Variants in FHIT observed in about 807,000 individuals in gnomAD.
The protein encoded by FHIT is bis(5'-adenosyl)-triphosphatase.
FHIT carries 19 observed loss-of-function variants against 17.9 expected under a neutral mutation model. The observed-to-expected ratio is 1.06, with a 90% CI of 0.74 to 1.56. The LOEUF (loss-of-function observed/expected upper bound fraction) is 1.56, where lower values mean the gene tolerates loss of function less well. Ranked by LOEUF, FHIT falls within the 40% of genes most tolerant of loss-of-function variation. FHIT has a pLI of 0.00. For synonymous variants in FHIT, 81 were observed against 69.7 expected (o/e 1.16, Z -0.81); for missense variants, 248 against 189.2 (o/e 1.31, Z -1.82).
At chr3:60,576,313 G>A (rs553023431) in intron 4 of FHIT, among the ~76,000 whole-genome samples, 1 of 152,104 alleles carries the variant, frequency 6.6e-6, no homozygotes, top group Non-Finnish European at 1.5e-5. Flanking sequence ...GAAAATATGA[G>A]AGAAACGTCA....
chr3:60,213,260 C>T (rs78431626), intron 5 of FHIT, among the ~76,000 whole-genome samples: 1,788 of 152,276 alleles, frequency 0.012, 37 homozygotes, highest in African/African-American at 0.041. Context: ...CTTTCCGTCT[C>T]CCAATTCTGT....
At chr3:60,523,320 G>A (rs2035445530) in intron 5 of FHIT, among the ~76,000 whole-genome samples, 1 of 151,912 alleles carries the variant, frequency 6.6e-6, no homozygotes, top group Admixed American at 6.6e-5. Flanking sequence ...GAATTTTGTA[G>A]TTTGCTTTTT....
intron 3 of FHIT, among the ~76,000 whole-genome samples, chr3:60,984,651 C>G (rs967541996): frequency 6.6e-6 from 1 of 152,116 alleles, no homozygotes; most frequent in East Asian, 1.9e-4. Context: ...AAGTTCCAAA[C>G]TAAAGGATAG....
intron 5 of FHIT, among the ~76,000 whole-genome samples, chr3:60,264,880 G>T (rs1002565154): frequency 2.6e-5 from 4 of 151,800 alleles, no homozygotes; most frequent in Non-Finnish European, 4.4e-5. Context: ...TGCAAGGAGC[G>T]TTTTCTAATT....
intron 3 of FHIT, among the ~76,000 whole-genome samples, chr3:60,942,717 T>A (rs1708472052): frequency 6.6e-6 from 1 of 152,172 alleles, no homozygotes; most frequent in Admixed American, 6.5e-5. Context: ...AATATTTTTG[T>A]ATTATTCCTT....
At chr3:61,240,288 A>G (rs2040342910) in intron 1 of FHIT, among the ~76,000 whole-genome samples, 1 of 152,198 alleles carries the variant, frequency 6.6e-6, no homozygotes, top group South Asian at 2.1e-4. Context: ...TGAAGGTATC[A>G]GCAGCTCTCG....
chr3:60,263,780 G>T (rs1478331299), intron 5 of FHIT, among the ~76,000 whole-genome samples: 1 of 151,820 alleles, frequency 6.6e-6, no homozygotes, highest in African/African-American at 2.4e-5. Flanking sequence ...GTATATAAAT[G>T]ATATCAAAAA....
chr3:60,665,799 T>C (rs1577046308), intron 4 of FHIT, among the ~76,000 whole-genome samples: 1 of 152,224 alleles, frequency 6.6e-6, no homozygotes, highest in Non-Finnish European at 1.5e-5. Context: ...AGCATTTCAC[T>C]ATACCATTTC....
intron 5 of FHIT, among the ~76,000 whole-genome samples, chr3:60,225,241 G>A (rs958855839): frequency 6.6e-6 from 1 of 152,150 alleles, no homozygotes; most frequent in South Asian, 2.1e-4. Context: ...CTAGATACCT[G>A]ATTAGATACT....
intron 5 of FHIT, among the ~76,000 whole-genome samples, chr3:60,181,882 C>A (rs1168933522): frequency 6.6e-6 from 1 of 152,140 alleles, no homozygotes; most frequent in African/African-American, 2.4e-5. Context: ...GGTACACCCT[C>A]CTATATATAT....
intron 5 of FHIT, among the ~76,000 whole-genome samples, chr3:60,307,142 G>A (rs1708712236): frequency 6.6e-6 from 1 of 152,122 alleles, no homozygotes; most frequent in Non-Finnish European, 1.5e-5. Context: ...CAGACACGCT[G>A]ACTGCAATAA....
intron 5 of FHIT, among the ~76,000 whole-genome samples, chr3:60,312,176 C>A (rs1708979373): frequency 6.6e-6 from 1 of 152,172 alleles, no homozygotes; most frequent in South Asian, 2.1e-4. Context: ...ATGGGGGTAG[C>A]CCAGGCTGGA....
intron 8 of FHIT, among the ~76,000 whole-genome samples, chr3:59,784,221 C>T (rs1330635092): frequency 6.6e-6 from 1 of 152,310 alleles, no homozygotes; most frequent in East Asian, 1.9e-4. Context: ...TTCTCTCCCT[C>T]CCTGCAGCCA....
intron 8 of FHIT, among the ~76,000 whole-genome samples, chr3:59,860,006 G>C (rs1206018836): frequency 2.0e-5 from 3 of 151,938 alleles, no homozygotes; most frequent in African/African-American, 7.3e-5. Flanking sequence ...TATCTGAAAG[G>C]GAATATCTAT....
chr3:60,558,771 A>G (rs1265754763), intron 4 of FHIT, among the ~76,000 whole-genome samples: 3 of 152,168 alleles, frequency 2.0e-5, no homozygotes, highest in Non-Finnish European at 4.4e-5. Flanking sequence ...GCAGGGCATT[A>G]ACAGAATCTT....
At chr3:61,191,759 C>T (rs2038722991) in intron 2 of FHIT, among the ~76,000 whole-genome samples, 1 of 152,064 alleles carries the variant, frequency 6.6e-6, no homozygotes, top group African/African-American at 2.4e-5. Flanking sequence ...AGACCCCACA[C>T]CCATGCCCTA....
intron 5 of FHIT, among the ~76,000 whole-genome samples, chr3:60,033,188 CTATTAATTTTGTGAAA>C: frequency 3.3e-5 from 5 of 152,110 alleles, no homozygotes; most frequent in Admixed American, 3.3e-4. Context: ...TAAGAAATTC[CTATTAATTTTGTGAAA>C]TATGATAATG....
At chr3:59,909,649 T>C (rs1338075309) in intron 8 of FHIT, among the ~76,000 whole-genome samples, 1 of 152,162 alleles carries the variant, frequency 6.6e-6, no homozygotes, top group Non-Finnish European at 1.5e-5. Context: ...AAAAGTCACC[T>C]CTTTGGGTGT....
rs942312496 is a variant in FHIT at position 59,901,868 on chromosome 3, C to T, written c.348+20478G>A. Among the ~76,000 whole-genome samples, 2 of 152,090 alleles carry T rather than the reference C, an allele frequency of 1.3e-5. 1 individual carries two copies. Among genetic ancestry groups the T allele is most frequent in the Admixed American group, 1.3e-4 (2 of 15,268 alleles). ...TCACAGAACGATTATTCATAAGAAG[C>T]AAAAAGTAGAAACAACTCAACTGTC... On this transcript the variant is annotated intron_variant, in intron 8 of 9. Transcript: ENST00000492590.
Sources: allele counts gnomAD v4.1 joint callset (sites outside exome capture counted in the v4.1 genomes callset), GRCh38; gene constraint gnomAD v4.1.1; transcripts MANE v1.5; gene names NCBI Gene and HGNC (gene_info 2026-07-23, HGNC 2026-07-21).